The following GPC5 variants were observed in gnomAD, a reference collection of about 807,000 sequenced individuals.
The protein encoded by GPC5 is glypican-5.
In GPC5, 47 loss-of-function variants were observed where a neutral mutation model predicts 53.9. That is an observed-to-expected ratio of 0.87 (90% CI 0.69 to 1.11). The LOEUF is 1.11. Ranked by LOEUF, GPC5 falls within the 50% of genes most tolerant of loss-of-function variation. The pLI, the probability that GPC5 is intolerant of heterozygous loss-of-function variation, is 0.00. For missense variants in GPC5, 748 were observed against 713.1 expected (o/e 1.05, Z -0.56); for synonymous variants, 286 against 263.3 (o/e 1.09, Z -0.84).
chr13:92,058,004 G>A (rs1187815457), intron 6 of GPC5, among the ~76,000 whole-genome samples: 1 of 152,008 alleles, frequency 6.6e-6, no homozygotes, highest in African/African-American at 2.4e-5. Flanking sequence ...TTTTGAGAGG[G>A]GAAAATGGCA....
chr13:92,122,740 CTTTTTTTT>C (rs3058805), intron 6 of GPC5, among the ~76,000 whole-genome samples: 131 of 67,116 alleles, frequency 2.0e-3, no homozygotes, highest in Non-Finnish European at 2.8e-3. Context: ...ATAGGTCAGT[CTTTTTTTT>C]TTTTTTTTTT....
At chr13:92,216,661 G>C (rs571378158) in intron 7 of GPC5, among the ~76,000 whole-genome samples, 1 of 152,246 alleles carries the variant, frequency 6.6e-6, no homozygotes, top group Admixed American at 6.5e-5. Context: ...TTACCAATGA[G>C]GGGAATGAAA....
At chr13:92,584,833 G>A (rs1246224293) in intron 7 of GPC5, among the ~76,000 whole-genome samples, 2 of 152,120 alleles carry the variant, frequency 1.3e-5, no homozygotes, top group Non-Finnish European at 2.9e-5. Context: ...ATGACTAAAA[G>A]GGGCCAACGT....
At chr13:92,155,997 A>G (rs1237099491) in intron 7 of GPC5, among the ~76,000 whole-genome samples, 2 of 152,096 alleles carry the variant, frequency 1.3e-5, no homozygotes, top group African/African-American at 4.8e-5. Context: ...TGCTTATTTT[A>G]TGTTAATATA....
At chr13:92,026,547 G>A (rs1448815036) in intron 6 of GPC5, among the ~76,000 whole-genome samples, 2 of 151,138 alleles carry the variant, frequency 1.3e-5, no homozygotes, top group East Asian at 3.9e-4. Context: ...TGACTACAGA[G>A]CCATGCAAAT....
chr13:91,827,302 G>T (rs1299642109), intron 5 of GPC5, among the ~76,000 whole-genome samples: 1 of 151,734 alleles, frequency 6.6e-6, no homozygotes, highest in African/African-American at 2.4e-5. Context: ...GCACAATAAA[G>T]AATAACCAAA....
chr13:92,740,896 TTATATATATATATA>T, intron 7 of GPC5, among the ~76,000 whole-genome samples: 1 of 134,904 alleles, frequency 7.4e-6, no homozygotes, highest in East Asian at 2.1e-4. Context: ...ATTTATTTAT[TTATATATATATATA>T]TATATATATG....
At chr13:92,110,167 C>G (rs1024800186) in intron 6 of GPC5, among the ~76,000 whole-genome samples, 3 of 152,092 alleles carry the variant, frequency 2.0e-5, no homozygotes, top group African/African-American at 7.2e-5. Context: ...TAGGGAAAAA[C>G]ACAGGATTGG....
At chr13:92,531,754 G>C (rs1040291021) in intron 7 of GPC5, among the ~76,000 whole-genome samples, 1 of 152,180 alleles carries the variant, frequency 6.6e-6, no homozygotes, top group Non-Finnish European at 1.5e-5. Flanking sequence ...TCCACTGTCA[G>C]CGATCAGGGC....
At chr13:91,872,602 AT>A (rs2039158345) in intron 5 of GPC5, among the ~76,000 whole-genome samples, 1 of 152,158 alleles carries the variant, frequency 6.6e-6, no homozygotes, top group Non-Finnish European at 1.5e-5. Context: ...CATATATGTT[AT>A]TTATATGACA....
chr13:91,691,363 T>G (rs1046798298), intron 2 of GPC5, among the ~76,000 whole-genome samples: 2 of 152,182 alleles, frequency 1.3e-5, no homozygotes, highest in Non-Finnish European at 2.9e-5. Flanking sequence ...AATCTGTATT[T>G]TTTCCCCATG....
At position 92,002,535 on chromosome 13, in the gene GPC5, T is replaced by C. The variant is rs148687465; in HGVS notation, c.1401+94478T>C. ...GCCACCAACATTTTGTTGGATGTTG[T>C]GGAGGGAAAACCATTCTTTATAGTA... On this transcript the variant is annotated intron_variant, in intron 6 of 7. Coordinates refer to ENST00000377067, the MANE Select transcript of GPC5 (RefSeq NM_004466.6). 2.8e-4 allele frequency among the ~76,000 whole-genome samples: 42 copies of C among 152,248 alleles called. No homozygotes were observed. In the East Asian group the frequency reaches 7.5e-3, roughly 27 times the overall value.
chr13:92,846,477 G>T (rs565986721), intron 7 of GPC5, among the ~76,000 whole-genome samples: 1 of 152,194 alleles, frequency 6.6e-6, no homozygotes, highest in African/African-American at 2.4e-5. Context: ...TAATTTAATT[G>T]AATCCAATTG....
chr13:92,714,741 C>G (rs922721823), intron 7 of GPC5, among the ~76,000 whole-genome samples: 1 of 152,076 alleles, frequency 6.6e-6, no homozygotes, highest in African/African-American at 2.4e-5. Flanking sequence ...CAACTGTTTT[C>G]CTAAAAAGCA....
chr13:91,965,976 T>C (rs1183288367), intron 6 of GPC5, among the ~76,000 whole-genome samples: 4 of 152,212 alleles, frequency 2.6e-5, no homozygotes, highest in Non-Finnish European at 5.9e-5. Flanking sequence ...TGCTATTTTT[T>C]ACTATCTATT....
At chr13:92,752,125 T>C (rs1396427810) in intron 7 of GPC5, among the ~76,000 whole-genome samples, 1 of 151,842 alleles carries the variant, frequency 6.6e-6, no homozygotes, top group Non-Finnish European at 1.5e-5. Context: ...ATTACCATAC[T>C]GACATTTCGA....
At chr13:92,389,896 A>G (rs1313710561) in intron 7 of GPC5, among the ~76,000 whole-genome samples, 1 of 152,222 alleles carries the variant, frequency 6.6e-6, no homozygotes, top group Non-Finnish European at 1.5e-5. Context: ...AGTATGAACT[A>G]CAAGTTGGTT....
At chr13:91,431,525 C>T (rs77116590) in intron 1 of GPC5, among the ~76,000 whole-genome samples, 6,785 of 152,250 alleles carry the variant, frequency 0.045, 189 homozygotes, top group South Asian at 0.13. Flanking sequence ...TTTGTCTCCA[C>T]GGTGAAATAG....
intron 7 of GPC5, among the ~76,000 whole-genome samples, chr13:92,617,119 G>A (rs1485320141): frequency 6.6e-6 from 1 of 152,080 alleles, no homozygotes; most frequent in Non-Finnish European, 1.5e-5. Context: ...CCAATGCATG[G>A]TCATTTGGCT....
Sources: allele counts gnomAD v4.1 joint callset (sites outside exome capture counted in the v4.1 genomes callset), GRCh38; gene constraint gnomAD v4.1.1; transcripts MANE v1.5; gene names NCBI Gene and HGNC (gene_info 2026-07-23, HGNC 2026-07-21).